ENPP6: variants seen among roughly 807,000 people sequenced by gnomAD.
ENPP6 encodes ectonucleotide pyrophosphatase/phosphodiesterase 6, also known as glycerophosphocholine cholinephosphodiesterase ENPP6.
In ENPP6, 32 loss-of-function variants were observed where a neutral mutation model predicts 42.0. That is an observed-to-expected ratio of 0.76 (90% CI 0.58 to 1.02). The LOEUF is 1.02. Among genes scored for constraint, ENPP6 ranks in the 50% least tolerant of loss-of-function variants. The pLI is 0.00. For missense variants in ENPP6, 552 were observed against 566.8 expected, an observed-to-expected ratio of 0.97 and a Z score of 0.27; for synonymous variants, 213 against 216.0, an observed-to-expected ratio of 0.99 and a Z score of 0.12.
intron 7 of ENPP6, among the ~76,000 whole-genome samples, chr4:184,093,640 A>AAATAATAATAATAAT (rs370411138): frequency 1.4e-3 from 180 of 132,446 alleles, no homozygotes; most frequent in Middle Eastern, 7.5e-3. Context: ...CTCTGTCTCA[A>AAATAATAATAATAAT]AATAATAATA....
At position 184,131,136 on chromosome 4, in the gene ENPP6, A is replaced by ACTTT. The variant is rs1426151263; in HGVS notation, c.422-6865_422-6864insAAAG. ...ATTGTTTCAACTTGCTTCCACCAGC[A>ACTTT]CTTACTTTCTTTCTTTCTTTCTTTC... On this transcript the variant is annotated intron_variant, in intron 2 of 7. Coordinates refer to ENST00000296741, the MANE Select transcript of ENPP6 (RefSeq NM_153343.4). Among the ~76,000 whole-genome samples the ACTTT allele has an allele frequency of 2.0e-3, 252 of 125,340 alleles. 3 individuals are homozygous for ACTTT. The highest frequency in any genetic ancestry group is 3.4e-3 in the African/African-American group (92 of 27,330). The allele number at this position is 125,340 out of a possible 152,430, so 82.2% of individuals were successfully genotyped here.
chr4:184,200,091 A>C (rs549514043), intron 1 of ENPP6, among the ~76,000 whole-genome samples: 1 of 152,324 alleles, frequency 6.6e-6, no homozygotes, highest in East Asian at 1.9e-4. Flanking sequence ...CCTGAAACAG[A>C]CCAATAGAAA....
In ENPP6 at chr4:184,168,903, C is replaced by A. The variant is rs533214025; in HGVS notation, c.242-15170G>T. On this transcript the variant is annotated intron_variant, in intron 1 of 7. Coordinates refer to ENST00000296741, the MANE Select transcript of ENPP6 (RefSeq NM_153343.4). Reference sequence around the variant, plus strand: ...GGCTGGGAGTCTCGTGCTGTGCCCCCCGCTTCCTCATTCCCCCACCCCACC... The same window carrying A: ...GGCTGGGAGTCTCGTGCTGTGCCCCACGCTTCCTCATTCCCCCACCCCACC... Among the ~76,000 whole-genome samples the A allele has an allele frequency of 1.3e-4, 20 of 152,262 alleles. No individual in the cohort carries two copies. The East Asian group carries it at 3.3e-3, about 25-fold the overall frequency.
chr4:184,131,155 TTC>T (rs1040889131), intron 2 of ENPP6, among the ~76,000 whole-genome samples: 1 of 50,874 alleles, frequency 2.0e-5, no homozygotes, highest in Non-Finnish European at 4.0e-5. Context: ...CTTTCTTTCT[TTC>T]TTTCTTTCTT....
In ENPP6 at chr4:184,095,937, C is replaced by T. The variant is rs113153887; in HGVS notation, c.1117+1308G>A. 4.7e-3 allele frequency among the ~76,000 whole-genome samples: 713 copies of T among 152,162 alleles called. 8 individuals are homozygous for T. Among genetic ancestry groups the T allele is most frequent in the African/African-American group, 0.016 (680 of 41,492 alleles). On this transcript the variant is annotated intron_variant, in intron 7 of 7. Transcript: ENST00000296741. ...GGCTCTGCATATCTGACCTGGGGCT[C>T]GGCTGACAGGGAGCACCTGATAACT...
At chr4:184,153,414 G>T (rs974185282) in intron 2 of ENPP6, 140 bp downstream of exon 2, 237 of 979,658 alleles carry the variant, frequency 2.4e-4, no homozygotes, top group Non-Finnish European at 3.2e-4. Flanking sequence ...CTGAGCCACC[G>T]TGCCCAGCCA....
chr4:184,166,182 T>C (rs750031377), intron 1 of ENPP6, among the ~76,000 whole-genome samples: 2 of 152,214 alleles, frequency 1.3e-5, no homozygotes, highest in Non-Finnish European at 2.9e-5. Flanking sequence ...AAAGCAAAGC[T>C]CACAATTTGC....
At chr4:184,214,050 T>C (rs1351721727) in intron 1 of ENPP6, among the ~76,000 whole-genome samples, 1 of 124,290 alleles carries the variant, frequency 8.0e-6, no homozygotes, top group Admixed American at 9.0e-5. Context: ...TGAGAACACA[T>C]GGACACAGGA....
At chr4:184,182,783 C>T (rs1464143071) in intron 1 of ENPP6, among the ~76,000 whole-genome samples, 2 of 152,194 alleles carry the variant, frequency 1.3e-5, no homozygotes, top group African/African-American at 4.8e-5. Context: ...CACATGTTCT[C>T]ACTTACAAGT....
intron 5 of ENPP6, among the ~76,000 whole-genome samples, chr4:184,113,926 T>TCTTC (rs1553995039): frequency 1.4e-5 from 2 of 140,962 alleles, no homozygotes; most frequent in Non-Finnish European, 1.6e-5. Context: ...TTTCTTTCTT[T>TCTTC]CTTTCTTTCT....
chr4:184,110,038 G>A (rs566684274), intron 6 of ENPP6, among the ~76,000 whole-genome samples: 5 of 152,222 alleles, frequency 3.3e-5, no homozygotes, highest in East Asian at 1.9e-4. Flanking sequence ...AGTACGGGAC[G>A]GAAGGATTAG....
chr4:184,106,347 A>G (rs1736092684), intron 6 of ENPP6, among the ~76,000 whole-genome samples: 3 of 152,134 alleles, frequency 2.0e-5, no homozygotes, highest in African/African-American at 4.8e-5. Context: ...AAAAATACCA[A>G]GTCTTAAAAT....
chr4:184,162,423 C>T (rs1450750075), intron 1 of ENPP6, among the ~76,000 whole-genome samples: 1 of 152,060 alleles, frequency 6.6e-6, no homozygotes, highest in Non-Finnish European at 1.5e-5. Context: ...ACAAAGACAA[C>T]TTCAATAATC....
chr4:184,195,893 T>TTC (rs1201985325), intron 1 of ENPP6, among the ~76,000 whole-genome samples: 12 of 152,364 alleles, frequency 7.9e-5, no homozygotes, highest in Admixed American at 7.2e-4. Context: ...CAAGACTTCT[T>TTC]TCTCTCTAAT....
At chr4:184,094,900 G>T (rs1414034956) in intron 7 of ENPP6, among the ~76,000 whole-genome samples, 3 of 152,236 alleles carry the variant, frequency 2.0e-5, no homozygotes, top group Non-Finnish European at 4.4e-5. Flanking sequence ...TGCTGGACCA[G>T]ACTCACTGAC....
At position 184,088,862 on chromosome 4, in the gene ENPP6, G is replaced by T. The variant is rs1735736495; in HGVS notation, c.*2315C>A. The T allele has an allele frequency of 6.6e-6, 1 of 152,088 alleles. No individual in the cohort carries two copies. Among genetic ancestry groups the T allele is most frequent in the South Asian group, 2.1e-4 (1 of 4,828 alleles). 9.4% of individuals were successfully genotyped at this position (152,088 alleles called of 1,614,324 possible). ...AGACAAATATCTAAAGTTTTATTATGTAACTTGCAGATTTTCAGGACGAGT... is the reference window on the plus strand; with the variant it reads ...AGACAAATATCTAAAGTTTTATTATTTAACTTGCAGATTTTCAGGACGAGT... On this transcript the variant is annotated 3_prime_UTR_variant, in exon 8 of 8. Coordinates refer to ENST00000296741, the MANE Select transcript of ENPP6 (RefSeq NM_153343.4).
chr4:184,109,223 AC>A (rs1170415636), intron 6 of ENPP6, among the ~76,000 whole-genome samples: 13 of 140,064 alleles, frequency 9.3e-5, no homozygotes, highest in African/African-American at 3.8e-4. Flanking sequence ...AAACAAAACA[AC>A]AACAACAACA....
At chr4:184,183,134 G>A (rs922704570) in intron 1 of ENPP6, among the ~76,000 whole-genome samples, 2 of 152,192 alleles carry the variant, frequency 1.3e-5, no homozygotes, top group African/African-American at 4.8e-5. Flanking sequence ...TGGAAACATA[G>A]CACAATGTTT....
intron 2 of ENPP6, among the ~76,000 whole-genome samples, chr4:184,138,379 C>G (rs972949444): frequency 6.6e-6 from 1 of 152,210 alleles, no homozygotes; most frequent in African/African-American, 2.4e-5. Flanking sequence ...CAGCTGACAA[C>G]TCAATTAAGT....
Sources: gnomAD v4.1 joint callset for allele counts (sites outside exome capture counted in the v4.1 genomes callset) on GRCh38, gnomAD v4.1.1 for gene constraint, MANE v1.5 for transcripts, NCBI Gene and HGNC (gene_info 2026-07-23, HGNC 2026-07-21) for gene names.